Variants in SPAM1 observed in about 807,000 individuals in gnomAD.
SPAM1 encodes the protein sperm adhesion molecule 1, also known as hyaluronidase PH-20.
SPAM1 carries 22 observed loss-of-function variants against 29.6 expected under a neutral mutation model. The observed-to-expected ratio is 0.74, with a 90% CI of 0.53 to 1.06. The LOEUF (loss-of-function observed/expected upper bound fraction) is 1.06, where lower values mean the gene tolerates loss of function less well. SPAM1 is among the 50% of genes least tolerant of loss of function. The probability of loss-of-function intolerance (pLI) is 0.00; values close to 1 mark genes in which losing one functional copy is unlikely to be tolerated. For missense variants in SPAM1, 534 were observed against 604.0 expected (o/e 0.88, Z 1.21); for synonymous variants, 194 against 204.6 (o/e 0.95, Z 0.44).
At chr7:123,933,065 T>TAA (rs781395632) in intron 1 of SPAM1, among the ~76,000 whole-genome samples, 24 of 151,214 alleles carry the variant, frequency 1.6e-4, no homozygotes, top group African/African-American at 5.9e-4. Flanking sequence ...TTTTTTTTTT[T>TAA]AAATTTACTT....
At chr7:123,947,596 ACACAC>A (rs1808623210) in intron 1 of SPAM1, 1 of 145,906 alleles carries the variant, frequency 6.9e-6, no homozygotes, top group Non-Finnish European at 1.5e-5. Context: ...ACACACACAC[ACACAC>A]ACACACACAC....
chr7:123,931,416 G>T (rs1042048983), intron 1 of SPAM1, among the ~76,000 whole-genome samples: 5 of 152,192 alleles, frequency 3.3e-5, no homozygotes, highest in Admixed American at 1.3e-4. Context: ...CCCCATTCCA[G>T]AGAGGTTCCT....
chr7:123,963,695 G>A (rs921851684), downstream of SPAM1, among the ~76,000 whole-genome samples: 1 of 150,764 alleles, frequency 6.6e-6, no homozygotes, highest in Non-Finnish European at 1.5e-5. Context: ...AAATTCAAAA[G>A]TTCATGAGCC....
At chr7:123,934,749 T>C (rs1808202497) in intron 1 of SPAM1, among the ~76,000 whole-genome samples, 1 of 152,124 alleles carries the variant, frequency 6.6e-6, no homozygotes, top group African/African-American at 2.4e-5. Flanking sequence ...AGATAAATAC[T>C]ACATGTTCTC....
At chr7:123,960,662 G>A (rs1231567368), downstream of SPAM1, among the ~76,000 whole-genome samples, 6 of 151,768 alleles carry the variant, frequency 4.0e-5, no homozygotes, top group Admixed American at 2.0e-4. Context: ...TATTACTACC[G>A]CCTCCTTCCT....
intron 1 of SPAM1, among the ~76,000 whole-genome samples, chr7:123,929,546 G>T (rs185912526): frequency 3.9e-5 from 6 of 152,188 alleles, no homozygotes; most frequent in African/African-American, 1.4e-4. Flanking sequence ...TGTGTGTTTT[G>T]GGGGTGGGGT....
downstream of SPAM1, among the ~76,000 whole-genome samples, chr7:123,960,695 A>G (rs900986044): frequency 3.9e-5 from 6 of 151,900 alleles, 1 homozygote; most frequent in African/African-American, 1.4e-4. Flanking sequence ...CCCTAGAAAC[A>G]AAAAGAGATG....
downstream of SPAM1, chr7:123,960,084 C>G: frequency 7.1e-7 from 1 of 1,412,584 alleles, no homozygotes. Flanking sequence ...AAAGTTCTTT[C>G]TGAATAACTA....
At chr7:123,939,458 A>G (rs1219430219) in intron 1 of SPAM1, among the ~76,000 whole-genome samples, 1 of 152,196 alleles carries the variant, frequency 6.6e-6, no homozygotes, top group Non-Finnish European at 1.5e-5. Context: ...TACGAAAGAC[A>G]TACTAGTCTT....
chr7:123,960,546 A>T (rs1792345233), downstream of SPAM1, among the ~76,000 whole-genome samples: 2 of 151,978 alleles, frequency 1.3e-5, 1 homozygote, highest in Admixed American at 1.3e-4. Context: ...TCTAATTTGC[A>T]CAGGATCGAA....
chr7:123,929,020 A>G (rs181488234), intron 1 of SPAM1, among the ~76,000 whole-genome samples: 1 of 152,244 alleles, frequency 6.6e-6, no homozygotes, highest in East Asian at 1.9e-4. Flanking sequence ...AGCTTCAATC[A>G]TAATGTTGAA....
chr7:123,966,046 C>T (rs891318945), intron 5 of SPAM1, among the ~76,000 whole-genome samples: 30 of 151,886 alleles, frequency 2.0e-4, no homozygotes, highest in African/African-American at 7.0e-4. Flanking sequence ...TATCTGTAGT[C>T]TACAAGGAAC....
Position 123,953,530 on chromosome 7 carries a change from G to T in SPAM1, c.-41G>T, listed in dbSNP as rs769875935. ...TCAGATATTGGGTAAACCAAAGTGT[G>T]TAGGAAGAAATAAATGTTTTCATAG... is the stretch of plus-strand genomic sequence containing the variant. On this transcript the variant is annotated 5_prime_UTR_variant, in exon 3 of 5. Coordinates refer to ENST00000682466, the MANE Select transcript of SPAM1 (RefSeq NM_153189.3). The T allele has an allele frequency of 3.0e-6, 4 of 1,345,216 alleles. No homozygotes were observed. In the South Asian group the frequency reaches 5.6e-5, roughly 19 times the overall value. 83.3% of individuals were successfully genotyped at this position (1,345,216 alleles called of 1,614,324 possible). A position where few individuals can be genotyped will look rare whatever the true frequency, so the allele number is the denominator to read the frequency against.
intron 1 of SPAM1, among the ~76,000 whole-genome samples, chr7:123,939,955 C>A (rs1461343025): frequency 2.0e-5 from 3 of 152,220 alleles, no homozygotes; most frequent in African/African-American, 7.2e-5. Flanking sequence ...CTGATCCCCA[C>A]CCTGCCGTTG....
At chr7:123,928,912 T>A (rs1807979453) in intron 1 of SPAM1, among the ~76,000 whole-genome samples, 1 of 152,164 alleles carries the variant, frequency 6.6e-6, no homozygotes, top group African/African-American at 2.4e-5. Context: ...GTCATAGGTG[T>A]GTTTTTATAA....
intron 1 of SPAM1, among the ~76,000 whole-genome samples, chr7:123,937,354 C>T (rs1412698346): frequency 6.6e-6 from 1 of 152,138 alleles, no homozygotes; most frequent in Non-Finnish European, 1.5e-5. Flanking sequence ...GTAATCCCAG[C>T]ATTTTGGGAG....
rs368148854 is a variant in SPAM1 at position 123,954,280 on chromosome 7, G to C, written c.710G>C (p.Ser237Thr). Residue 237 changes from serine (S) to threonine (T), a missense_variant, in exon 3 of 5, where the codon AGT (serine) becomes ACT (threonine). Coordinates refer to ENST00000682466, the MANE Select transcript of SPAM1 (RefSeq NM_153189.3). ...HHYKKPGYNG[S>T]CFNVEIKRND... ...TATAAGAAACCCGGTTACAATGGAA[G>C]TTGCTTCAATGTAGAAATAAAAAGA... 1.2e-6 allele frequency: 2 copies of C among 1,612,690 alleles called. No individual in the cohort carries two copies. Among genetic ancestry groups the C allele is most frequent in the Non-Finnish European group, 8.5e-7 (1 of 1,179,474 alleles).
Position 123,953,486 on chromosome 7 carries a change from T to C in SPAM1, c.-85T>C. 2.8e-6 allele frequency: 2 copies of C among 704,978 alleles called. No individual in the cohort carries two copies. The highest frequency in any genetic ancestry group is 3.1e-5 in the Admixed American group (1 of 32,220). The allele number at this position is 704,978 out of a possible 1,614,324, so 43.7% of individuals were successfully genotyped here. A position where few individuals can be genotyped will look rare whatever the true frequency, so the allele number is the denominator to read the frequency against. On this transcript the variant is annotated 5_prime_UTR_variant, in exon 3 of 5. Coordinates refer to ENST00000682466, the MANE Select transcript of SPAM1 (RefSeq NM_153189.3). ...AGTGAATTCATTCCATTCCCTTTCA[T>C]CTGTGCTCATACTTTGCATCAGATA...
chr7:123,959,861 G>A lies in SPAM1; in HGVS notation c.1422G>A (p.Glu474=). 1 of 1,613,050 alleles carries A rather than the reference G, an allele frequency of 6.2e-7. No homozygotes were observed. The highest frequency in any genetic ancestry group is 8.5e-7 in the Non-Finnish European group (1 of 1,179,466). The change falls in exon 5 of 5, where the codon GAG becomes GAA. Residue 474 remains glutamate, a synonymous_variant. Transcript: ENST00000682466. ...CIDAFLKPPM[E]TEEPQIFYNA... is the part of the protein sequence containing the mutation. ...ATGCTTTTCTAAAACCTCCCATGGA[G>A]ACAGAAGAACCTCAAATTTTCTACA...
Sources: gnomAD v4.1 joint callset for allele counts (sites outside exome capture counted in the v4.1 genomes callset) on GRCh38, gnomAD v4.1.1 for gene constraint, MANE v1.5 for transcripts, NCBI Gene and HGNC (gene_info 2026-07-23, HGNC 2026-07-21) for gene names.